Variants in PABPC4L observed in about 807,000 individuals in gnomAD.
The protein encoded by PABPC4L is polyadenylate-binding protein 4-like.
For synonymous variants in PABPC4L, 169 were observed against 164.1 expected (o/e 1.03, Z -0.23); for missense variants, 452 against 451.4 (o/e 1.00, Z -0.01).
At chr4:134,006,807 A>T in the PABPC4L span, among the ~76,000 whole-genome samples, 1 of 151,820 alleles carries the variant, frequency 6.6e-6, no homozygotes, top group Non-Finnish European at 1.5e-5. Flanking sequence ...ATTTGGTTCA[A>T]AACTCGTATG....
chr4:134,176,018 T>C, the PABPC4L span, among the ~76,000 whole-genome samples: 36 of 152,266 alleles, frequency 2.4e-4, no homozygotes, highest in Non-Finnish European at 4.3e-4. Context: ...TTTCTACGAC[T>C]ATTTTGGAAA....
chr4:134,118,090 C>T, the PABPC4L span, among the ~76,000 whole-genome samples: 2 of 151,834 alleles, frequency 1.3e-5, no homozygotes, highest in African/African-American at 2.4e-5. Context: ...GTGTCAACAA[C>T]ATGAGGACCA....
At chr4:134,054,300 G>T in the PABPC4L span, among the ~76,000 whole-genome samples, 1 of 131,722 alleles carries the variant, frequency 7.6e-6, no homozygotes, top group Admixed American at 8.1e-5. Flanking sequence ...AGTTATGCTA[G>T]TAGTTTTGAT....
At chr4:133,972,131 T>C in the PABPC4L span, among the ~76,000 whole-genome samples, 1 of 152,188 alleles carries the variant, frequency 6.6e-6, no homozygotes, top group African/African-American at 2.4e-5. Flanking sequence ...GGAGTTACGA[T>C]TGTTCTCATT....
At chr4:134,132,701 A>G in the PABPC4L span, among the ~76,000 whole-genome samples, 10 of 151,690 alleles carry the variant, frequency 6.6e-5, no homozygotes, top group Admixed American at 6.6e-4. Context: ...CAGCAATCCC[A>G]CTACTGGTTA....
the PABPC4L span, among the ~76,000 whole-genome samples, chr4:134,132,902 A>C: frequency 1.4e-5 from 2 of 146,594 alleles, no homozygotes; most frequent in Non-Finnish European, 3.0e-5. Flanking sequence ...AATATTATAT[A>C]TTATATATTG....
chr4:134,179,459 C>G, the PABPC4L span, among the ~76,000 whole-genome samples: 9 of 152,142 alleles, frequency 5.9e-5, no homozygotes, highest in African/African-American at 1.9e-4. Flanking sequence ...ACCAGTGACA[C>G]TGTAAAACAG....
chr4:134,073,975 G>C, the PABPC4L span, among the ~76,000 whole-genome samples: 1 of 152,190 alleles, frequency 6.6e-6, no homozygotes, highest in African/African-American at 2.4e-5. Context: ...AGGCCTGATG[G>C]AGGGTCTGCT....
chr4:134,018,825 T>A, the PABPC4L span, among the ~76,000 whole-genome samples: 1 of 152,114 alleles, frequency 6.6e-6, no homozygotes, highest in Non-Finnish European at 1.5e-5. Context: ...AAACTATGAA[T>A]GAAACTACAG....
chr4:134,085,440 CACAA>C, the PABPC4L span, among the ~76,000 whole-genome samples: 1 of 151,890 alleles, frequency 6.6e-6, no homozygotes, highest in African/African-American at 2.4e-5. Context: ...ACACATAATA[CACAA>C]ACACACACGC....
the PABPC4L span, among the ~76,000 whole-genome samples, chr4:134,020,537 T>C: frequency 2.6e-5 from 4 of 152,050 alleles, no homozygotes; most frequent in Non-Finnish European, 5.9e-5. Flanking sequence ...GCCAACTTTC[T>C]GGGGAGGGAA....
At chr4:134,146,690 G>A in the PABPC4L span, among the ~76,000 whole-genome samples, 3 of 152,004 alleles carry the variant, frequency 2.0e-5, no homozygotes, top group Admixed American at 6.6e-5. Flanking sequence ...GAATCAAGAG[G>A]GTACCCAATA....
chr4:134,108,612 C>T, the PABPC4L span, among the ~76,000 whole-genome samples: 1 of 151,742 alleles, frequency 6.6e-6, no homozygotes, highest in African/African-American at 2.4e-5. Context: ...TGCTTTGTTT[C>T]TTGAATCTTG....
the PABPC4L span, among the ~76,000 whole-genome samples, chr4:134,170,212 A>G: frequency 1.3e-5 from 2 of 152,190 alleles, no homozygotes; most frequent in African/African-American, 2.4e-5. Context: ...AGCTCCCTCT[A>G]TACTGCTGCA....
chr4:134,201,372 C>T (rs1729877735), intron 1 of PABPC4L, 127 bp from the exon 2 acceptor site: 11 of 1,100,614 alleles, frequency 1.0e-5, no homozygotes, highest in Non-Finnish European at 1.3e-5. Context: ...TCGCTGGTTT[C>T]TGAATAAAAA....
chr4:134,054,656 G>A, the PABPC4L span, among the ~76,000 whole-genome samples: 2 of 151,846 alleles, frequency 1.3e-5, no homozygotes, highest in African/African-American at 4.8e-5. Context: ...GATCACTTGA[G>A]ATTGCATTTT....
chr4:134,112,160 T>C, the PABPC4L span, among the ~76,000 whole-genome samples: 1 of 151,920 alleles, frequency 6.6e-6, no homozygotes, highest in Non-Finnish European at 1.5e-5. Flanking sequence ...GGTCACATTA[T>C]TTAGAAAACT....
chr4:133,951,019 A>T, the PABPC4L span, among the ~76,000 whole-genome samples: 1 of 152,228 alleles, frequency 6.6e-6, no homozygotes, highest in East Asian at 1.9e-4. Context: ...GGTTAAGAGC[A>T]TATAATTTAC....
the PABPC4L span, among the ~76,000 whole-genome samples, chr4:134,157,916 T>G: frequency 1.3e-5 from 2 of 151,990 alleles, no homozygotes; most frequent in South Asian, 4.1e-4. Context: ...TTTAATGTTT[T>G]ATGCACACAA....
Sources: gnomAD v4.1 joint callset for allele counts (sites outside exome capture counted in the v4.1 genomes callset) on GRCh38, gnomAD v4.1.1 for gene constraint, MANE v1.5 for transcripts, NCBI Gene and HGNC (gene_info 2026-07-23, HGNC 2026-07-21) for gene names.